NOL4L: variants seen among roughly 807,000 people sequenced by gnomAD.
NOL4L encodes the protein nucleolar protein 4 like.
In NOL4L, 7 loss-of-function variants were observed where a neutral mutation model predicts 64.5. The observed-to-expected ratio is 0.11, with a 90% CI of 0.06 to 0.20. The LOEUF (loss-of-function observed/expected upper bound fraction) is 0.20. Ranked by LOEUF, NOL4L falls within the 10% of genes least tolerant of loss-of-function variation. The probability of loss-of-function intolerance (pLI) is 1.00; values close to 1 mark genes in which losing one functional copy is unlikely to be tolerated. For synonymous variants in NOL4L, 413 were observed against 401.0 expected, an observed-to-expected ratio of 1.03 and a Z score of -0.36; for missense variants, 680 against 967.1, an observed-to-expected ratio of 0.70 and a Z score of 3.94.
At chr20:32,480,621 C>T (rs1198112764) in intron 4 of NOL4L, among the ~76,000 whole-genome samples, 1 of 152,214 alleles carries the variant, frequency 6.6e-6, no homozygotes, top group East Asian at 1.9e-4. Flanking sequence ...GTCTCCATGT[C>T]AGCGAGCATT....
rs574961710 is a variant in NOL4L at position 32,462,829 on chromosome 20, C to T, written c.842-6434G>A. 1.2e-4 allele frequency among the ~76,000 whole-genome samples: 17 copies of T among 142,476 alleles called. No individual in the cohort carries two copies. The East Asian group carries it at 2.6e-3, about 21-fold the overall frequency. 93.5% of individuals were successfully genotyped at this position (142,476 alleles called of 152,430 possible). ...CTGAGGCAGGAGAATCGCTTGAACC[C>T]GGGAGGTGGAGGTTGCAGTGAGACA... is the stretch of plus-strand genomic sequence containing the variant. On this transcript the variant is annotated intron_variant, in intron 5 of 10. Transcript: ENST00000621426.
chr20:32,494,745 A>G (rs532989274), intron 4 of NOL4L, among the ~76,000 whole-genome samples: 1 of 152,360 alleles, frequency 6.6e-6, no homozygotes, highest in East Asian at 1.9e-4. Flanking sequence ...GAATGTGGAC[A>G]AGGTTGGAGC....
chr20:32,564,539 CAT>C (rs1979302030), intron 1 of NOL4L, among the ~76,000 whole-genome samples: 2 of 152,194 alleles, frequency 1.3e-5, no homozygotes, highest in South Asian at 4.1e-4. Flanking sequence ...TTAAGGCTCC[CAT>C]TTTGCAGCAG....
Position 32,585,240 on chromosome 20 carries a change from G to A in NOL4L, c.-350C>T, listed in dbSNP as rs1980812720. Among the ~76,000 whole-genome samples, 1 of 148,150 alleles carries A rather than the reference G, an allele frequency of 6.7e-6. No individual in the cohort carries two copies. The highest frequency in any genetic ancestry group is 1.5e-5 in the Non-Finnish European group (1 of 66,226). ...CCCCGCGGGCGGCCGGGGGAGGCGG[G>A]AGGCGGGGAGCGGCCCCGAGCGCTG... On this transcript the variant is annotated 5_prime_UTR_variant, in exon 1 of 11. Coordinates refer to ENST00000621426, the MANE Select transcript of NOL4L (RefSeq NM_001256798.2).
At chr20:32,569,141 G>A (rs907384653) in intron 1 of NOL4L, among the ~76,000 whole-genome samples, 1 of 152,184 alleles carries the variant, frequency 6.6e-6, no homozygotes, top group African/African-American at 2.4e-5. Flanking sequence ...AGGGGCTTGA[G>A]AGTGATAGGA....
rs1420416563 is a variant in NOL4L, at chr20:32,445,320, T to A, written c.*2276A>T. The A allele has an allele frequency of 1.3e-5, 2 of 152,212 alleles. No individual in the cohort carries two copies. Among genetic ancestry groups the A allele is most frequent in the African/African-American group, 4.8e-5 (2 of 41,454 alleles). The allele number at this position is 152,212 out of a possible 1,614,324, so 9.4% of individuals were successfully genotyped here. The stretch of plus-strand genomic sequence containing the variant: ...TGTGTGGGTAGGGGGAGGGAGCCCC[T>A]TCCCCAGTCTTTCTCACTCCTGTCT... On this transcript the variant is annotated 3_prime_UTR_variant, in exon 11 of 11. Transcript: ENST00000621426.
Position 32,487,942 on chromosome 20 carries a change from T to TA in NOL4L, c.700-13201_700-13200insT, listed in dbSNP as rs1324222754. On this transcript the variant is annotated intron_variant, in intron 4 of 10. Coordinates refer to ENST00000621426, the MANE Select transcript of NOL4L (RefSeq NM_001256798.2). ...TTTTGTTTGTTGGTTTTATTTTTTT[T>TA]TTTTTTTGACCAAATCTTGCTGTGT... Among the ~76,000 whole-genome samples the TA allele has an allele frequency of 2.1e-3, 320 of 151,910 alleles. 1 individual carries two copies. Among genetic ancestry groups the TA allele is most frequent in the East Asian group, 6.0e-3 (31 of 5,180 alleles).
At chr20:32,475,783 T>A (rs1209431886) in intron 4 of NOL4L, among the ~76,000 whole-genome samples, 1 of 151,384 alleles carries the variant, frequency 6.6e-6, no homozygotes, top group Non-Finnish European at 1.5e-5. Flanking sequence ...GGGGCCCCCC[T>A]CACAGACACC....
In NOL4L at chr20:32,453,894, G is replaced by A; in HGVS notation, c.1120-133C>T. 1 of 781,070 alleles carries A rather than the reference G, an allele frequency of 1.3e-6. No individual in the cohort carries two copies. The highest frequency in any genetic ancestry group is 1.7e-5 in the South Asian group (1 of 57,838). The allele number at this position is 781,070 out of a possible 1,614,324, so 48.4% of individuals were successfully genotyped here. ...CTGCCACGAGAGCCATAGCTGCGAG[G>A]CCCTGAGCAAGTCACTCCCCTCTTC... On this transcript the variant is annotated intron_variant, in intron 6 of 10. Transcript: ENST00000621426. This position sits in a 1 kb window ranked among gnomAD's most constrained non-coding sequence, Gnocchi z 5.6.
At chr20:32,520,740 C>T (rs2017899850) in intron 3 of NOL4L, 71 bp downstream of exon 3, 2 of 923,420 alleles carry the variant, frequency 2.2e-6, no homozygotes, top group Non-Finnish European at 3.3e-6. Context: ...CCAGCAAAAG[C>T]TGGCGTCTTC....
At chr20:32,491,511 T>A (rs1382905872) in intron 4 of NOL4L, among the ~76,000 whole-genome samples, 3 of 152,192 alleles carry the variant, frequency 2.0e-5, no homozygotes, top group Non-Finnish European at 4.4e-5. Flanking sequence ...GGCCATTCGC[T>A]CTGAGGGCTG....
At chr20:32,551,732 A>T (rs2018805477) in intron 1 of NOL4L, among the ~76,000 whole-genome samples, 1 of 152,156 alleles carries the variant, frequency 6.6e-6, no homozygotes, top group South Asian at 2.1e-4. Flanking sequence ...TCTAAAATTG[A>T]TTGTGGCAAT....
chr20:32,584,492 ACACCCC>A (rs1173889270), intron 1 of NOL4L, 72 bp downstream of exon 1: 2 of 1,115,876 alleles, frequency 1.8e-6, no homozygotes, highest in East Asian at 6.8e-5. Context: ...ACACACATCC[ACACCCC>A]CACCCCGCCC....
intron 3 of NOL4L, among the ~76,000 whole-genome samples, chr20:32,516,895 G>A (rs1349909471): frequency 6.6e-6 from 1 of 152,250 alleles, no homozygotes; most frequent in Admixed American, 6.5e-5. Flanking sequence ...CTCCCAGTTT[G>A]CAACCATGCA....
At chr20:32,509,689 C>A in intron 4 of NOL4L, 1 of 1,158,404 alleles carries the variant, frequency 8.6e-7, no homozygotes, top group Admixed American at 2.9e-5. Context: ...TCCATTGACG[C>A]AAGTGAAGAT....
Position 32,510,008 on chromosome 20 carries a change from A to G in NOL4L, c.699+1339T>C, listed in dbSNP as rs1185890504. On this transcript the variant is annotated intron_variant, in intron 4 of 10. Transcript: ENST00000621426. ...AGAGGAGACCTAATGCAGAGGCTGC[A>G]CAGTGGTGCTGGGATTCTATAACCA... 14 of 1,185,374 alleles carry G rather than the reference A, an allele frequency of 1.2e-5. No homozygotes were observed. The Admixed American group carries it at 3.0e-4, about 25-fold the overall frequency. The allele number at this position is 1,185,374 out of a possible 1,614,324, so 73.4% of individuals were successfully genotyped here.
rs1354089951 is a variant in NOL4L, at chr20:32,580,326, T to C, written c.321+4244A>G. Among the ~76,000 whole-genome samples, 9 of 152,214 alleles carry C rather than the reference T, an allele frequency of 5.9e-5. No homozygotes were observed. In the South Asian group the frequency reaches 1.7e-3, roughly 28 times the overall value. Reference sequence around the variant, plus strand: ...ACCCCCGAAACAGCCGCTATACTGATAATTCAGAGAAAACCAGGAAATATT... The same window carrying C: ...ACCCCCGAAACAGCCGCTATACTGACAATTCAGAGAAAACCAGGAAATATT... On this transcript the variant is annotated intron_variant, in intron 1 of 10. Transcript: ENST00000621426.
chr20:32,546,581 G>A (rs537959397), intron 1 of NOL4L, among the ~76,000 whole-genome samples: 1 of 152,234 alleles, frequency 6.6e-6, no homozygotes, highest in African/African-American at 2.4e-5. Flanking sequence ...GGGATTACAG[G>A]CATTTGCCAC....
chr20:32,577,253 G>T (rs1980175570), intron 1 of NOL4L, among the ~76,000 whole-genome samples: 1 of 152,232 alleles, frequency 6.6e-6, no homozygotes, highest in Non-Finnish European at 1.5e-5. Context: ...CAGGAACTCA[G>T]GTTCCCAGCC....
Sources: allele counts gnomAD v4.1 joint callset (sites outside exome capture counted in the v4.1 genomes callset), GRCh38; gene constraint gnomAD v4.1.1; non-coding constraint Gnocchi (gnomAD v3.1); transcripts MANE v1.5; gene names NCBI Gene and HGNC (gene_info 2026-07-23, HGNC 2026-07-21).